The following OAS2 variants were observed in gnomAD, a reference collection of about 807,000 sequenced individuals.
The protein encoded by OAS2 is 2'-5'-oligoadenylate synthetase 2.
In OAS2, 67 loss-of-function variants were observed where a neutral mutation model predicts 71.3. The observed-to-expected ratio is 0.94, with a 90% CI of 0.77 to 1.15. The LOEUF is 1.15. Ranked by LOEUF, OAS2 falls within the 50% of genes most tolerant of loss-of-function variation. The probability of loss-of-function intolerance (pLI) is 0.00; values close to 1 mark genes in which losing one functional copy is unlikely to be tolerated. For synonymous variants in OAS2, 327 were observed against 321.8 expected, an observed-to-expected ratio of 1.02 and a Z score of -0.17; for missense variants, 789 against 822.5, an observed-to-expected ratio of 0.96 and a Z score of 0.50.
At chr12:113,008,218 T>C (rs2044351404) in intron 9 of OAS2, among the ~76,000 whole-genome samples, 1 of 152,168 alleles carries the variant, frequency 6.6e-6, no homozygotes, top group Non-Finnish European at 1.5e-5. Context: ...TCCCTAAGAA[T>C]TAACGCTATC....
intron 3 of OAS2, 79 bp from the exon 4 acceptor site, chr12:112,997,441 C>A (rs987487042): frequency 1.6e-6 from 2 of 1,217,070 alleles, no homozygotes; most frequent in African/African-American, 3.0e-5. Flanking sequence ...CTGTAGACCT[C>A]TGGTTTCTTG....
intron 7 of OAS2, among the ~76,000 whole-genome samples, chr12:113,006,063 A>G (rs1490320356): frequency 6.6e-6 from 1 of 152,068 alleles, no homozygotes; most frequent in Non-Finnish European, 1.5e-5. Flanking sequence ...TCTGGGTTCT[A>G]CAACTACTGA....
intron 6 of OAS2, among the ~76,000 whole-genome samples, chr12:113,004,165 C>T (rs1381781379): frequency 1.3e-5 from 2 of 152,154 alleles, no homozygotes; most frequent in Non-Finnish European, 2.9e-5. Flanking sequence ...AAGGAAGGGG[C>T]TACAGTCTGA....
chr12:112,982,301 G>A (rs1350087637), intron 1 of OAS2, among the ~76,000 whole-genome samples: 1 of 152,148 alleles, frequency 6.6e-6, no homozygotes, highest in African/African-American at 2.4e-5. Flanking sequence ...GATGTTAACT[G>A]TGGGTTTGTC....
At chr12:112,999,026 G>A (rs1427936752) in intron 5 of OAS2, among the ~76,000 whole-genome samples, 2 of 152,188 alleles carry the variant, frequency 1.3e-5, no homozygotes, top group African/African-American at 4.8e-5. Context: ...CCAAAGATGC[G>A]AGATCTCAAT....
chr12:113,010,191 C>T lies in OAS2; in HGVS notation c.*936C>T. On this transcript the variant is annotated 3_prime_UTR_variant, in exon 10 of 10. Transcript: ENST00000392583. ...TGGGGGGAATGTAGGGAAGAGGTGG[C>T]CAAGCCAACCGTGGGGTTAGCTCTA... 1 of 1,351,094 alleles carries T rather than the reference C, an allele frequency of 7.4e-7. No individual in the cohort carries two copies. Among genetic ancestry groups the T allele is most frequent in the Non-Finnish European group, 9.5e-7 (1 of 1,053,746 alleles). 83.7% of individuals were successfully genotyped at this position (1,351,094 alleles called of 1,614,324 possible).
chr12:113,000,296 C>T (rs1487649169), intron 5 of OAS2, among the ~76,000 whole-genome samples: 1 of 152,176 alleles, frequency 6.6e-6, no homozygotes, highest in African/African-American at 2.4e-5. Context: ...GCACATGTGG[C>T]ATTTAGTTCC....
Position 112,995,409 on chromosome 12 carries a change from T to C in OAS2, c.562T>C (p.Phe188Leu), listed in dbSNP as rs2044225153. The C allele has an allele frequency of 6.2e-7, 1 of 1,614,074 alleles. No individual in the cohort carries two copies. Among genetic ancestry groups the C allele is most frequent in the Non-Finnish European group, 8.5e-7 (1 of 1,179,988 alleles). ...CTGCTTCACTGAACTCCAGCAGAAG[T>C]TTTTTGACAACCGTCCTGGAAAACT... is the stretch of plus-strand genomic sequence containing the variant. ...AVCFTELQQKFFDNRPGKLKD... is the reference protein window; with the variant it reads ...AVCFTELQQKLFDNRPGKLKD... The change falls in exon 3 of 10, where the codon TTT becomes CTT. Residue 188 changes from phenylalanine (F) to leucine (L), a missense_variant. Transcript: ENST00000392583.
rs533259756 is a variant in OAS2 at position 112,995,421 on chromosome 12, C to T, written c.574C>T (p.Arg192Cys). The change falls in exon 3 of 10, where the codon CGT (arginine) becomes TGT (cysteine). Residue 192 changes from arginine to cysteine, a missense_variant. Coordinates refer to ENST00000392583, the MANE Select transcript of OAS2 (RefSeq NM_002535.3). ...TELQQKFFDN[R>C]PGKLKDLILL... ...ACTCCAGCAGAAGTTTTTTGACAAC[C>T]GTCCTGGAAAACTAAAGGATTTGAT... is the stretch of plus-strand genomic sequence containing the variant. The T allele has an allele frequency of 7.4e-6, 12 of 1,614,020 alleles. No individual in the cohort carries two copies. Among genetic ancestry groups the T allele is most frequent in the Non-Finnish European group, 1.0e-5 (12 of 1,179,974 alleles).
intron 2 of OAS2, among the ~76,000 whole-genome samples, chr12:112,990,166 A>G (rs1011116188): frequency 6.6e-6 from 1 of 152,216 alleles, no homozygotes; most frequent in Non-Finnish European, 1.5e-5. Context: ...ATATTTTAAG[A>G]GGTTTTTTCT....
At chr12:112,987,349 C>A (rs1293767) in intron 2 of OAS2, 41 bp downstream of exon 2, 75 of 1,610,844 alleles carry the variant, frequency 4.7e-5, no homozygotes, top group Non-Finnish European at 5.8e-5. Flanking sequence ...GCCAAAGAAG[C>A]GGGTGCCAGA....
At chr12:112,993,733 G>T (rs530800839) in intron 2 of OAS2, among the ~76,000 whole-genome samples, 3 of 151,756 alleles carry the variant, frequency 2.0e-5, no homozygotes, top group South Asian at 2.1e-4. Flanking sequence ...GCCAAACATG[G>T]TGGCACACGC....
intron 2 of OAS2, among the ~76,000 whole-genome samples, chr12:112,993,831 C>T (rs868858694): frequency 6.6e-6 from 1 of 152,020 alleles, no homozygotes; most frequent in South Asian, 2.1e-4. Flanking sequence ...TATGATTGTG[C>T]CATTGCAGTC....
intron 2 of OAS2, among the ~76,000 whole-genome samples, chr12:112,994,898 T>C (rs1254817508): frequency 6.6e-6 from 1 of 152,222 alleles, no homozygotes; most frequent in East Asian, 1.9e-4. Context: ...AATGACAGAA[T>C]ATATTGCATG....
rs753840848 is a variant in OAS2 at position 112,986,989 on chromosome 12, T to A, written c.178-49T>A. ...AATACCACTGCCTGCTAGAGATCCC[T>A]GTAACCCCAGAATCTAGTGTCTCAT... On this transcript the variant is annotated intron_variant, in intron 1 of 9. Coordinates refer to ENST00000392583, the MANE Select transcript of OAS2 (RefSeq NM_002535.3). 2.6e-6 allele frequency: 4 copies of A among 1,555,848 alleles called. No individual in the cohort carries two copies. In the Admixed American group the frequency reaches 7.7e-5, roughly 30 times the overall value.
chr12:113,009,089 C>T lies in OAS2; in HGVS notation c.1898C>T (p.Pro633Leu). 6.2e-7 allele frequency: 1 copy of T among 1,613,064 alleles called. No homozygotes were observed. The highest frequency in any genetic ancestry group is 8.5e-7 in the Non-Finnish European group (1 of 1,179,786). Reference protein sequence around the residue: ...FLLSQLQKTRPVILDPAEPTG... With the variant: ...FLLSQLQKTRLVILDPAEPTG... ...ATGCCTTCTAACCTCTCATTCAGGC[C>T]TGTGATCTTGGACCCAGCCGAACCC... The change falls in exon 10 of 10, where the codon CCT becomes CTT. Residue 633 changes from proline (P) to leucine (L), a missense_variant and splice_region_variant. Transcript: ENST00000392583.
chr12:112,990,316 C>T (rs1380012724), intron 2 of OAS2, among the ~76,000 whole-genome samples: 1 of 152,180 alleles, frequency 6.6e-6, no homozygotes, highest in African/African-American at 2.4e-5. Flanking sequence ...AATCAGTACA[C>T]ATAAGATGTG....
chr12:112,987,163 T>C lies in OAS2; in HGVS notation c.303T>C (p.Thr101=). 1.2e-6 allele frequency: 2 copies of C among 1,614,134 alleles called. No individual in the cohort carries two copies. Among genetic ancestry groups the C allele is most frequent in the Non-Finnish European group, 8.5e-7 (1 of 1,180,004 alleles). Residue 101 remains threonine, a synonymous_variant, in exon 2 of 10, where the codon ACT becomes ACC. Coordinates refer to ENST00000392583, the MANE Select transcript of OAS2 (RefSeq NM_002535.3). The stretch of plus-strand genomic sequence containing the variant: ...GCCAACGTGACATCCTCGATAAAAC[T>C]GGGGATAAGCTGAAGTTCTGTCTGT... ...KRSQRDILDK[T]GDKLKFCLFT... is the part of the protein sequence containing the mutation.
intron 1 of OAS2, among the ~76,000 whole-genome samples, chr12:112,979,207 C>T (rs751495388): frequency 2.0e-5 from 3 of 152,112 alleles, no homozygotes; most frequent in Non-Finnish European, 2.9e-5. Flanking sequence ...GTGGTTTCTC[C>T]GCAGCAAGAA....
Sources: gnomAD v4.1 joint callset for allele counts (sites outside exome capture counted in the v4.1 genomes callset) on GRCh38, gnomAD v4.1.1 for gene constraint, MANE v1.5 for transcripts, NCBI Gene and HGNC (gene_info 2026-07-23, HGNC 2026-07-21) for gene names.